The following ZC3H12B variants were observed in gnomAD, a reference collection of about 807,000 sequenced individuals.
The protein encoded by ZC3H12B is zinc finger CCCH-type containing 12B.
ZC3H12B carries 7 observed loss-of-function variants against 43.9 expected under a neutral mutation model. That is an observed-to-expected ratio of 0.16 (90% CI 0.09 to 0.30). The LOEUF (loss-of-function observed/expected upper bound fraction) is 0.30. Among genes scored for constraint, ZC3H12B ranks in the 10% least tolerant of loss-of-function variants. ZC3H12B has a pLI of 1.00. For missense variants in ZC3H12B, 475 were observed against 670.2 expected (o/e 0.71, Z 3.22); for synonymous variants, 222 against 241.7 (o/e 0.92, Z 0.76).
At chrX:65,367,271 C>G (rs2066185713) in intron 1 of ZC3H12B, among the ~76,000 whole-genome samples, 1 of 111,645 alleles carries the variant, frequency 9.0e-6, no homozygotes, top group Admixed American at 9.6e-5. Flanking sequence ...GTTGTGGCAA[C>G]AAGGAGCTGC....
chrX:65,427,972 C>T (rs940375192), intron 3 of ZC3H12B, among the ~76,000 whole-genome samples: 1 of 111,572 alleles, frequency 9.0e-6, no homozygotes, highest in Non-Finnish European at 1.9e-5. Flanking sequence ...TAGTGATTTC[C>T]CTCAGCATTC....
chrX:65,329,643 G>T, the ZC3H12B span, among the ~76,000 whole-genome samples: 1 of 110,566 alleles, frequency 9.0e-6, no homozygotes, highest in Non-Finnish European at 1.9e-5. Context: ...GTCCTGAATG[G>T]TATTGCCTAG....
At chrX:65,501,697 C>A in intron 4 of ZC3H12B, 92 bp from the exon 10 acceptor site, 1 of 951,456 alleles carries the variant, frequency 1.1e-6, no homozygotes, top group Non-Finnish European at 1.4e-6. Context: ...ACAGTAAAAC[C>A]CTAACCTGAG....
At chrX:65,121,180 G>A in the ZC3H12B span, among the ~76,000 whole-genome samples, 1 of 111,575 alleles carries the variant, frequency 9.0e-6, no homozygotes, top group African/African-American at 3.3e-5. Flanking sequence ...GAGTTAGGGA[G>A]GATACCCTCT....
the ZC3H12B span, among the ~76,000 whole-genome samples, chrX:65,182,301 T>A: frequency 1.8e-5 from 2 of 110,516 alleles, no homozygotes; most frequent in African/African-American, 6.6e-5. Flanking sequence ...ACCTAATGCA[T>A]GCGTGGCTTA....
chrX:65,474,042 C>T (rs979714303), intron 3 of ZC3H12B, among the ~76,000 whole-genome samples: 2 of 111,577 alleles, frequency 1.8e-5, no homozygotes, highest in African/African-American at 3.3e-5. Context: ...TGTCTGAATG[C>T]TGTATCTGAT....
chrX:65,361,115 T>A, the ZC3H12B span, among the ~76,000 whole-genome samples: 1 of 112,271 alleles, frequency 8.9e-6, no homozygotes, highest in East Asian at 2.8e-4. Context: ...TCTGAAATTT[T>A]AATTTTTCTT....
At chrX:65,109,356 A>G in the ZC3H12B span, among the ~76,000 whole-genome samples, 3 of 111,460 alleles carry the variant, frequency 2.7e-5, no homozygotes, top group South Asian at 1.1e-3. Flanking sequence ...CCCCTAATCA[A>G]CGCATTTCCT....
At chrX:65,386,993 G>A (rs889228395) in intron 2 of ZC3H12B, among the ~76,000 whole-genome samples, 3 of 111,942 alleles carry the variant, frequency 2.7e-5, no homozygotes, top group African/African-American at 9.8e-5. Flanking sequence ...TAGTTTGATT[G>A]CACTGTGGTC....
At chrX:65,051,183 C>G in the ZC3H12B span, among the ~76,000 whole-genome samples, 1 of 111,642 alleles carries the variant, frequency 9.0e-6, no homozygotes, top group Non-Finnish European at 1.9e-5. Context: ...CTGTTAATTT[C>G]TGTGGCATCA....
At chrX:65,119,871 C>G in the ZC3H12B span, among the ~76,000 whole-genome samples, 1 of 111,807 alleles carries the variant, frequency 8.9e-6, no homozygotes, top group Non-Finnish European at 1.9e-5. Context: ...ATATGGCTAG[C>G]CAGTTTTCCT....
chrX:65,283,690 C>T, the ZC3H12B span, among the ~76,000 whole-genome samples: 1 of 111,627 alleles, frequency 9.0e-6, no homozygotes, highest in South Asian at 3.8e-4. Context: ...GCACTAGATT[C>T]CACACCCTTT....
At chrX:65,202,118 A>G in the ZC3H12B span, among the ~76,000 whole-genome samples, 17 of 87,642 alleles carry the variant, frequency 1.9e-4, 1 homozygote, top group South Asian at 7.5e-3. Context: ...AATATATATT[A>G]TATGTAATAT....
the ZC3H12B span, among the ~76,000 whole-genome samples, chrX:65,181,881 A>G: frequency 2.7e-5 from 3 of 111,923 alleles, no homozygotes; most frequent in Non-Finnish European, 5.6e-5. Context: ...ATACCATATG[A>G]CCCAGCAATC....
the ZC3H12B span, among the ~76,000 whole-genome samples, chrX:65,251,258 C>T: frequency 3.5e-4 from 39 of 110,973 alleles, no homozygotes; most frequent in African/African-American, 1.1e-3. Flanking sequence ...AGATGTGTGG[C>T]GTTATTTCTG....
exon 5 of ZC3H12B, chrX:65,507,588 G>A (rs894053174): frequency 8.9e-6 from 1 of 111,914 alleles, no homozygotes; most frequent in African/African-American, 3.2e-5. Flanking sequence ...CTGTTTAATG[G>A]TTGTAAACTT....
chrX:65,190,435 G>A, the ZC3H12B span, among the ~76,000 whole-genome samples: 4 of 111,154 alleles, frequency 3.6e-5, no homozygotes, highest in East Asian at 1.1e-3. Context: ...CATGAGCATG[G>A]AATGTTCTTC....
intron 3 of ZC3H12B, among the ~76,000 whole-genome samples, chrX:65,448,102 G>C (rs1045515554): frequency 9.0e-6 from 1 of 110,812 alleles, no homozygotes; most frequent in Non-Finnish European, 1.9e-5. Flanking sequence ...GGGTGTGGTG[G>C]TGGGCACCTG....
intron 3 of ZC3H12B, among the ~76,000 whole-genome samples, chrX:65,400,081 A>T (rs1479294043): frequency 9.0e-6 from 1 of 111,544 alleles, no homozygotes; most frequent in Non-Finnish European, 1.9e-5. Flanking sequence ...GGGTACAAAA[A>T]AATAGAAAGA....
Sources: allele counts gnomAD v4.1 joint callset (sites outside exome capture counted in the v4.1 genomes callset), GRCh38; gene constraint gnomAD v4.1.1; transcripts MANE v1.5; gene names NCBI Gene and HGNC (gene_info 2026-07-23, HGNC 2026-07-21).